The following KCNB2 variants were observed in gnomAD, a reference collection of about 807,000 sequenced individuals.
The protein encoded by KCNB2 is potassium voltage-gated channel subfamily B member 2, also known as delayed rectifier potassium channel protein.
KCNB2 carries 15 observed loss-of-function variants against 61.5 expected under a neutral mutation model. The ratio of observed to expected loss-of-function variants is 0.24; its 90% confidence interval spans 0.16 to 0.38. The LOEUF is 0.38. Among genes scored for constraint, KCNB2 ranks in the 10% least tolerant of loss-of-function variants. KCNB2 has a pLI of 1.00. For synonymous variants in KCNB2, 457 were observed against 446.0 expected (o/e 1.02, Z -0.31); for missense variants, 828 against 1,125.2 (o/e 0.74, Z 3.78).
rs1430193422 is a variant in KCNB2, at chr8:72,821,653, A to C, written c.580-114282A>C. 3.1e-3 allele frequency among the ~76,000 whole-genome samples: 468 copies of C among 150,614 alleles called. 2 individuals are homozygous for C. The highest frequency in any genetic ancestry group is 0.011 in the African/African-American group (440 of 41,148). ...ACACAAAAAAAAACAAAAAAAAAAA[A>C]AAAAAAACACACACACACCAAGCCC... On this transcript the variant is annotated intron_variant, in intron 2 of 2. Coordinates refer to ENST00000523207, the MANE Select transcript of KCNB2 (RefSeq NM_004770.3).
rs191634747 is a variant in KCNB2, at chr8:72,932,047, T to A, written c.580-3888T>A. On this transcript the variant is annotated intron_variant, in intron 2 of 2. Coordinates refer to ENST00000523207, the MANE Select transcript of KCNB2 (RefSeq NM_004770.3). ...CAAACAAAAAAAACTCCTGAGACAG[T>A]GAGATTCTAACCTGTGAATGGTTGT... 8.6e-5 allele frequency among the ~76,000 whole-genome samples: 13 copies of A among 151,582 alleles called. No individual in the cohort carries two copies. In the East Asian group the frequency reaches 2.6e-3, roughly 30 times the overall value.
intron 2 of KCNB2, among the ~76,000 whole-genome samples, chr8:72,755,306 A>T (rs937123954): frequency 1.3e-5 from 2 of 152,194 alleles, no homozygotes; most frequent in East Asian, 3.9e-4. Flanking sequence ...GTTAAAGGAA[A>T]GGAAATCTGA....
At chr8:72,824,482 G>C (rs903534684) in intron 2 of KCNB2, among the ~76,000 whole-genome samples, 1 of 152,080 alleles carries the variant, frequency 6.6e-6, no homozygotes, top group Non-Finnish European at 1.5e-5. Flanking sequence ...TGTGCCACCA[G>C]ACCGCTGCTG....
chr8:72,695,009 A>T (rs1283457503), intron 2 of KCNB2, among the ~76,000 whole-genome samples: 1 of 152,150 alleles, frequency 6.6e-6, no homozygotes, highest in Non-Finnish European at 1.5e-5. Flanking sequence ...TATTAAGCTG[A>T]ATCTTTATAA....
At chr8:72,823,479 G>A (rs1035685894) in intron 2 of KCNB2, among the ~76,000 whole-genome samples, 5 of 152,028 alleles carry the variant, frequency 3.3e-5, no homozygotes, top group African/African-American at 7.2e-5. Context: ...TTCATTAATC[G>A]TGATCTGAGT....
At chr8:72,741,025 C>A (rs145979052) in intron 2 of KCNB2, among the ~76,000 whole-genome samples, 1 of 152,068 alleles carries the variant, frequency 6.6e-6, no homozygotes, top group Admixed American at 6.5e-5. Flanking sequence ...ACTGAAATAC[C>A]GAAATACTGT....
intron 2 of KCNB2, among the ~76,000 whole-genome samples, chr8:72,616,806 T>A (rs1352414703): frequency 6.6e-6 from 1 of 152,206 alleles, no homozygotes; most frequent in African/African-American, 2.4e-5. Context: ...AATTAATAAA[T>A]ATTTACTGCA....
At chr8:72,633,104 GAAGCTCTGC>G (rs1805905730) in intron 2 of KCNB2, among the ~76,000 whole-genome samples, 3 of 152,062 alleles carry the variant, frequency 2.0e-5, no homozygotes, top group Admixed American at 6.6e-5. Flanking sequence ...TTTTTTTCTG[GAAGCTCTGC>G]AAAGATCCTG....
chr8:72,684,744 G>C (rs1806823012), intron 2 of KCNB2, among the ~76,000 whole-genome samples: 1 of 152,176 alleles, frequency 6.6e-6, no homozygotes, highest in African/African-American at 2.4e-5. Flanking sequence ...TCACTAGGAG[G>C]CTTAGAATTT....
At chr8:72,552,513 G>C (rs1333983222) in intron 1 of KCNB2, among the ~76,000 whole-genome samples, 1 of 152,136 alleles carries the variant, frequency 6.6e-6, no homozygotes, top group Non-Finnish European at 1.5e-5. Flanking sequence ...TAGTATATAG[G>C]TCTAGACTAT....
chr8:72,654,008 A>G lies in KCNB2; in HGVS notation c.579+85695A>G, dbSNP rs1442231909. Among the ~76,000 whole-genome samples the G allele has an allele frequency of 7.9e-5, 12 of 152,176 alleles. No homozygotes were observed. The East Asian group carries it at 2.3e-3, about 29-fold the overall frequency. On this transcript the variant is annotated intron_variant, in intron 2 of 2. Transcript: ENST00000523207. ...GAAGAGGAAATTCTGTTAAGACAAG[A>G]TTAGAGAATGCACTTTTTAGATCAC...
At chr8:72,656,820 A>G (rs1044157627) in intron 2 of KCNB2, among the ~76,000 whole-genome samples, 5 of 152,090 alleles carry the variant, frequency 3.3e-5, no homozygotes, top group African/African-American at 1.2e-4. Context: ...AGTAGAGGTC[A>G]TAGATTTCCT....
intron 1 of KCNB2, among the ~76,000 whole-genome samples, chr8:72,561,670 A>G (rs1490169066): frequency 7.7e-6 from 1 of 130,574 alleles, no homozygotes; most frequent in African/African-American, 2.8e-5. Context: ...AGAATAGCTG[A>G]AAATTTCCAG....
At chr8:72,573,263 T>G (rs557843572) in intron 2 of KCNB2, among the ~76,000 whole-genome samples, 1 of 152,318 alleles carries the variant, frequency 6.6e-6, no homozygotes, top group Admixed American at 6.5e-5. Context: ...GTTATTCTAA[T>G]GCTTTGAATG....
intron 2 of KCNB2, among the ~76,000 whole-genome samples, chr8:72,917,249 AG>A (rs1167784251): frequency 3.3e-5 from 5 of 152,252 alleles, no homozygotes; most frequent in Non-Finnish European, 5.9e-5. Context: ...ACTCATGTAC[AG>A]CAAAGAGAAA....
rs971455918 is a variant in KCNB2, at chr8:72,674,437, G to T, written c.579+106124G>T. Among the ~76,000 whole-genome samples the T allele has an allele frequency of 3.9e-5, 6 of 152,294 alleles. 1 individual carries two copies. Among genetic ancestry groups the T allele is most frequent in the Admixed American group, 3.9e-4 (6 of 15,292 alleles). ...ACTTAGGTGTTGGAAGAGTATACTG[G>T]CATTTCCCATTTGCAGCTTTAGGCT... On this transcript the variant is annotated intron_variant, in intron 2 of 2. Coordinates refer to ENST00000523207, the MANE Select transcript of KCNB2 (RefSeq NM_004770.3).
chr8:72,758,139 G>T (rs16938355), intron 2 of KCNB2, among the ~76,000 whole-genome samples: 1 of 152,104 alleles, frequency 6.6e-6, no homozygotes, highest in African/African-American at 2.4e-5. Context: ...ATGAGCAAAA[G>T]GGGGCAGGAG....
intron 2 of KCNB2, among the ~76,000 whole-genome samples, chr8:72,823,004 G>A (rs538687748): frequency 2.8e-5 from 4 of 141,254 alleles, no homozygotes; most frequent in Admixed American, 7.0e-5. Flanking sequence ...ACCCATCCAC[G>A]TGGCTCACCA....
intron 2 of KCNB2, among the ~76,000 whole-genome samples, chr8:72,649,817 A>T (rs1806186495): frequency 6.6e-6 from 1 of 152,152 alleles, no homozygotes; most frequent in African/African-American, 2.4e-5. Flanking sequence ...ACATGACATG[A>T]TCAAGTGATT....
Sources: allele counts gnomAD v4.1 joint callset (sites outside exome capture counted in the v4.1 genomes callset), GRCh38; gene constraint gnomAD v4.1.1; transcripts MANE v1.5; gene names NCBI Gene and HGNC (gene_info 2026-07-23, HGNC 2026-07-21).